FN1: variants seen among roughly 807,000 people sequenced by gnomAD.
The protein encoded by FN1 is fibronectin.
In FN1, 106 loss-of-function variants were observed where a neutral mutation model predicts 297.3. The observed-to-expected ratio is 0.36, with a 90% CI of 0.30 to 0.42. The LOEUF (loss-of-function observed/expected upper bound fraction) is 0.42, where lower values mean the gene tolerates loss of function less well. FN1 is among the 10% of genes least tolerant of loss of function. FN1 has a pLI of 1.00. For missense variants in FN1, 2,690 were observed against 3,124.9 expected, an observed-to-expected ratio of 0.86 and a Z score of 3.32; for synonymous variants, 1,149 against 1,152.6, an observed-to-expected ratio of 1.00 and a Z score of 0.06.
At position 215,378,237 on chromosome 2, in the gene FN1, ACACT is replaced by A; in HGVS notation, c.5644_5647del (p.Val1883MetfsTer7). On this transcript the variant is annotated frameshift_variant, in exon 35 of 46. Coordinates refer to ENST00000354785, the MANE Select transcript of FN1 (RefSeq NM_212482.4). LOFTEE classifies it high-confidence loss of function. Reference sequence around the variant, plus strand: ...TGTCAAAGTGTCCTTAAGAGCATAGACACTCACTTCATATTTGGTGGCCACCTAG... The same window carrying A: ...TGTCAAAGTGTCCTTAAGAGCATAGACACTTCATATTTGGTGGCCACCTAG... 6.2e-7 allele frequency: 1 copy of A among 1,611,970 alleles called. No homozygotes were observed. Among genetic ancestry groups the A allele is most frequent in the East Asian group, 2.2e-5 (1 of 44,864 alleles).
chr2:215,423,304 C>G (rs2064770044), intron 9 of FN1, 46 bp downstream of exon 9: 1 of 1,600,566 alleles, frequency 6.2e-7, no homozygotes, highest in Admixed American at 1.7e-5. Flanking sequence ...GTCTCTACTC[C>G]CTAAATTGTT....
intron 26 of FN1, among the ~76,000 whole-genome samples, chr2:215,389,036 AT>A (rs2059380679): frequency 7.5e-6 from 1 of 133,178 alleles, no homozygotes; most frequent in African/African-American, 2.5e-5. Flanking sequence ...CCATATTAAA[AT>A]GAGAGCAGAA....
At position 215,404,635 on chromosome 2, in the gene FN1, G is replaced by A. The variant is rs1482442656; in HGVS notation, c.3007C>T (p.Leu1003Phe). Residue 1003 changes from leucine (L) to phenylalanine (F), a missense_variant, in exon 20 of 46, where the codon CTC becomes TTC. Physicochemically the swap from Leu to Phe is conservative, Grantham distance 22 (BLOSUM62 0). This residue lies in a region of FN1 where 1,743 missense variants were observed against 1,945.2 expected (regional missense o/e 0.90). Transcript: ENST00000354785. ...QTTKLDAPTN[L>F]QFVNETDSTV... ...GAATCAGTTTCATTGACAAACTGGA[G>A]GTTAGTGGGAGCATCCAGTTCTAGG... The A allele has an allele frequency of 1.2e-6, 2 of 1,613,800 alleles. No homozygotes were observed. The highest frequency in any genetic ancestry group is 1.3e-5 in the African/African-American group (1 of 75,030).
Position 215,372,191 on chromosome 2 carries a change from C to T in FN1, c.6432G>A (p.Glu2144=), listed in dbSNP as rs1306471319. 1 of 1,614,230 alleles carries T rather than the reference C, an allele frequency of 6.2e-7. No homozygotes were observed. Among genetic ancestry groups the T allele is most frequent in the Admixed American group, 1.7e-5 (1 of 60,030 alleles). Residue 2144 remains glutamate (E), a synonymous_variant, in exon 40 of 46, where the codon GAG becomes GAA. Coordinates refer to ENST00000354785, the MANE Select transcript of FN1 (RefSeq NM_212482.4). ...GTGTGGTCCGCCTAAAACCATGTTC[C>T]TCAAAGATCATTTGTTGCCCAACAC... is the stretch of plus-strand genomic sequence containing the variant. ...QPSVGQQMIF[E]EHGFRRTTPP... is the part of the protein sequence containing the mutation.
rs1575828262 is a variant in FN1 at position 215,427,108 on chromosome 2, C to T, written c.844+1072G>A. ...GCCAGGATGGTCTTGATCTCCTGAC[C>T]TCGTGATCCGCCTGCCTCGGCCTCC... is the stretch of plus-strand genomic sequence containing the variant. On this transcript the variant is annotated intron_variant, in intron 6 of 45. Coordinates refer to ENST00000354785, the MANE Select transcript of FN1 (RefSeq NM_212482.4). Among the ~76,000 whole-genome samples the T allele has an allele frequency of 2.0e-5, 3 of 152,182 alleles. No individual in the cohort carries two copies. The South Asian group carries it at 6.2e-4, about 32-fold the overall frequency.
rs778860469 is a variant in FN1, at chr2:215,431,928, C to T, written c.452G>A (p.Gly151Asp). The stretch of plus-strand genomic sequence containing the variant: ...CTCATGTGGTCTCCTCCAGGTGTCA[C>T]CAATCTTGTAGGACTGACCCCCTTC... ...CHEGGQSYKI[G>D]DTWRRPHETG... is the part of the protein sequence containing the mutation. Residue 151 changes from glycine (G) to aspartate (D), a missense_variant, in exon 4 of 46, where the codon GGT (glycine) becomes GAT (aspartate). This residue lies in a region of FN1 where 876 missense variants were observed against 1,058.1 expected (regional missense o/e 0.83). Coordinates refer to ENST00000354785, the MANE Select transcript of FN1 (RefSeq NM_212482.4). 1 of 1,614,148 alleles carries T rather than the reference C, an allele frequency of 6.2e-7. No individual in the cohort carries two copies. Among genetic ancestry groups the T allele is most frequent in the South Asian group, 1.1e-5 (1 of 91,084 alleles).
At chr2:215,385,721 C>G (rs2058867509) in intron 28 of FN1, among the ~76,000 whole-genome samples, 1 of 151,738 alleles carries the variant, frequency 6.6e-6, no homozygotes, top group Admixed American at 6.6e-5. Flanking sequence ...AACAATGACA[C>G]TATTACCCTA....
intron 25 of FN1, chr2:215,392,339 C>T (rs2106081488): frequency 5.5e-6 from 1 of 181,496 alleles, no homozygotes; most frequent in South Asian, 1.1e-4. Flanking sequence ...CAGCAGAGAA[C>T]CTTTAAAATG....
In FN1 at chr2:215,394,663, A is replaced by G. The variant is rs778357097; in HGVS notation, c.3661T>C (p.Leu1221=). 4 of 1,614,158 alleles carry G rather than the reference A, an allele frequency of 2.5e-6. No homozygotes were observed. The highest frequency in any genetic ancestry group is 1.7e-5 in the Admixed American group (1 of 60,016). Residue 1221 remains leucine, a synonymous_variant, in exon 24 of 46, where the codon TTG becomes CTG. Coordinates refer to ENST00000354785, the MANE Select transcript of FN1 (RefSeq NM_212482.4). ...TGATCAGCATGGACCACTTCTTCCA[A>G]AGAATTTCCCTGCTGGCCGTTTGTA... The part of the protein sequence containing the change: ...TPTNGQQGNS[L]EEVVHADQSS...
intron 2 of FN1, 27 bp downstream of exon 2, chr2:215,434,669 C>G: frequency 1.9e-6 from 3 of 1,613,892 alleles, no homozygotes; most frequent in Non-Finnish European, 2.5e-6. Context: ...TTAAAAGATA[C>G]TAACTATGGG....
rs751303604 is a variant in FN1, at chr2:215,362,021, G to A, written c.7310C>T (p.Thr2437Ile). The change falls in exon 45 of 46, where the codon ACT becomes ATT. Residue 2437 changes from threonine to isoleucine, a missense_variant. Physicochemically the swap from Thr to Ile is moderately conservative, Grantham distance 89 (BLOSUM62 -1). Transcript: ENST00000354785. ...AGAATACTGGTTGTAGGACTGGCCA[G>A]TAGTGCCTTCGGGACTGGGTTCACC... Reference protein sequence around the residue: ...PGGEPSPEGTTGQSYNQYSQR... With the variant: ...PGGEPSPEGTIGQSYNQYSQR... The A allele has an allele frequency of 3.1e-6, 5 of 1,614,050 alleles. No homozygotes were observed. Among genetic ancestry groups the A allele is most frequent in the African/African-American group, 1.3e-5 (1 of 74,922 alleles).
chr2:215,391,156 T>C (rs2059661290), intron 26 of FN1, among the ~76,000 whole-genome samples: 2 of 152,224 alleles, frequency 1.3e-5, no homozygotes, highest in African/African-American at 4.8e-5. Flanking sequence ...TCTGACTCTC[T>C]TCACAACAAC....
chr2:215,399,407 A>G, intron 20 of FN1, 56 bp from the exon 21 acceptor site: 1 of 1,131,522 alleles, frequency 8.8e-7, no homozygotes, highest in South Asian at 1.2e-5. Flanking sequence ...ATGATTGCAT[A>G]GCATATAGAT....
At chr2:215,409,902 G>C (rs745515033) in intron 14 of FN1, 32 bp downstream of exon 14, 7 of 1,612,596 alleles carry the variant, frequency 4.3e-6, no homozygotes, top group Non-Finnish European at 5.9e-6. Flanking sequence ...GAACCTCGGG[G>C]GTAGGAGGCA....
intron 44 of FN1, chr2:215,362,398 G>A (rs961581509): frequency 1.4e-5 from 5 of 355,952 alleles, no homozygotes; most frequent in East Asian, 6.4e-5. Flanking sequence ...CTCTGCACTA[G>A]ATGATAGAAA....
intron 13 of FN1, chr2:215,414,621 C>A (rs2063171914): frequency 8.0e-7 from 1 of 1,245,120 alleles, no homozygotes; most frequent in Non-Finnish European, 1.0e-6. Context: ...AGCCCCCCCA[C>A]CGCAAAAAAA....
At chr2:215,408,515 A>G in intron 15 of FN1, 89 bp from the exon 16 acceptor site, 3 of 1,300,892 alleles carry the variant, frequency 2.3e-6, no homozygotes, top group Non-Finnish European at 2.2e-6. Context: ...TTTAAGAATT[A>G]TATATTCATA....
rs751681716 is a variant in FN1 at position 215,423,534 on chromosome 2, GAAC to G, written c.1217-11_1217-9del. On this transcript the variant is annotated splice_polypyrimidine_tract_variant and intron_variant, in intron 8 of 45. Transcript: ENST00000354785. ...CTCGAGTCTGAACCAAAACTGCCAG[GAAC>G]AATACACAACAAAGAAGGAAAAGAT... 25 of 1,613,444 alleles carry G rather than the reference GAAC, an allele frequency of 1.5e-5. No homozygotes were observed. Among genetic ancestry groups the G allele is most frequent in the Non-Finnish European group, 1.7e-6 (2 of 1,179,618 alleles).
In FN1 at chr2:215,424,620, G is replaced by A. The variant is rs1250250; in HGVS notation, c.1037-295C>T. On this transcript the variant is annotated intron_variant, in intron 7 of 45. Coordinates refer to ENST00000354785, the MANE Select transcript of FN1 (RefSeq NM_212482.4). The stretch of plus-strand genomic sequence containing the variant: ...TTTATACAGGTCAATTAAGGATGCT[G>A]CTTAAGGATGTTGGGATAATATTTA... 0.29 allele frequency among the ~76,000 whole-genome samples: 44,650 copies of A among 152,022 alleles called. 7,820 individuals carry two copies. The highest frequency in any genetic ancestry group is 0.88 in the East Asian group (4,567 of 5,164).
Sources: allele counts gnomAD v4.1 joint callset (sites outside exome capture counted in the v4.1 genomes callset), GRCh38; gene constraint gnomAD v4.1.1; regional missense constraint gnomAD v4.1.1; transcripts MANE v1.5; gene names NCBI Gene and HGNC (gene_info 2026-07-23, HGNC 2026-07-21).